DCT: variants seen among roughly 807,000 people sequenced by gnomAD.
The protein encoded by DCT is L-dopachrome tautomerase.
In DCT, 47 loss-of-function variants were observed where a neutral mutation model predicts 53.0. The ratio of observed to expected loss-of-function variants is 0.89; its 90% confidence interval spans 0.70 to 1.13. DCT has a LOEUF of 1.13. DCT is among the 50% of genes most tolerant of loss of function. The pLI, the probability that DCT is intolerant of heterozygous loss-of-function variation, is 0.00. For synonymous variants in DCT, 244 were observed against 237.0 expected, an observed-to-expected ratio of 1.03 and a Z score of -0.27; for missense variants, 669 against 637.4, an observed-to-expected ratio of 1.05 and a Z score of -0.53.
chr13:94,492,122 G>A, the DCT span, among the ~76,000 whole-genome samples: 1 of 152,032 alleles, frequency 6.6e-6, no homozygotes, highest in Admixed American at 6.6e-5. Flanking sequence ...CTCAAGCATC[G>A]CATTTGTAAA....
chr13:94,469,071 A>G (rs781293277), intron 1 of DCT, 26 bp from the exon 2 acceptor site: 21 of 1,588,868 alleles, frequency 1.3e-5, no homozygotes, highest in Non-Finnish European at 1.8e-5. Flanking sequence ...GAAAGATGGA[A>G]AGGAAGGGGG....
At chr13:94,480,878 T>C (rs993800178), upstream of DCT, among the ~76,000 whole-genome samples, 4 of 152,250 alleles carry the variant, frequency 2.6e-5, no homozygotes, top group Admixed American at 6.5e-5. Context: ...TCCTGAGGCT[T>C]CTGTAACAAA....
chr13:94,509,070 T>C, the DCT span, among the ~76,000 whole-genome samples: 4 of 152,162 alleles, frequency 2.6e-5, no homozygotes, highest in Non-Finnish European at 1.5e-5. Flanking sequence ...CTCCATGGTG[T>C]CTTAGCTCTG....
At chr13:94,488,146 G>C in the DCT span, among the ~76,000 whole-genome samples, 1 of 151,948 alleles carries the variant, frequency 6.6e-6, no homozygotes, top group Non-Finnish European at 1.5e-5. Flanking sequence ...TGGTACATGA[G>C]TATTCAATTT....
Position 94,438,561 on chromosome 13 carries a change from C to T in DCT, c.*1337G>A, listed in dbSNP as rs1882056894. ...TTCATTCATTCCAGTAGAGAGGGGCCTCGACAGACAAGCCACGCCCTAGAA... is the reference window on the plus strand; with the variant it reads ...TTCATTCATTCCAGTAGAGAGGGGCTTCGACAGACAAGCCACGCCCTAGAA... On this transcript the variant is annotated 3_prime_UTR_variant, in exon 8 of 8. Transcript: ENST00000377028. 1 of 455,540 alleles carries T rather than the reference C, an allele frequency of 2.2e-6. No individual in the cohort carries two copies. Among genetic ancestry groups the T allele is most frequent in the Non-Finnish European group, 4.4e-6 (1 of 226,664 alleles). 28.2% of individuals were successfully genotyped at this position (455,540 alleles called of 1,614,324 possible).
chr13:94,470,005 G>C (rs760468034), intron 1 of DCT, among the ~76,000 whole-genome samples: 1 of 152,028 alleles, frequency 6.6e-6, no homozygotes, highest in African/African-American at 2.4e-5. Flanking sequence ...AACCCGGGAA[G>C]TAGAGGTTGC....
the DCT span, among the ~76,000 whole-genome samples, chr13:94,504,495 G>A: frequency 6.6e-6 from 1 of 152,180 alleles, no homozygotes; most frequent in Non-Finnish European, 1.5e-5. Context: ...AGCCTCCTGA[G>A]TAGCTGGGAT....
the DCT span, among the ~76,000 whole-genome samples, chr13:94,545,184 T>C: frequency 4.6e-5 from 7 of 152,010 alleles, no homozygotes; most frequent in African/African-American, 1.7e-4. Context: ...ACGCTTCAGA[T>C]GATGATGATA....
At chr13:94,454,053 G>C (rs1242080552) in intron 6 of DCT, among the ~76,000 whole-genome samples, 3 of 152,120 alleles carry the variant, frequency 2.0e-5, no homozygotes, top group African/African-American at 7.2e-5. Context: ...CTTTCTTACA[G>C]GGTTAATTTA....
At chr13:94,440,720 G>A (rs1033392500) in intron 7 of DCT, among the ~76,000 whole-genome samples, 33 of 119,098 alleles carry the variant, frequency 2.8e-4, no homozygotes, top group Middle Eastern at 0.017. Flanking sequence ...TCGCTCTGTC[G>A]CCCAGGCTGG....
chr13:94,455,880 A>AT (rs1232823015), intron 6 of DCT, among the ~76,000 whole-genome samples: 1 of 152,176 alleles, frequency 6.6e-6, no homozygotes, highest in African/African-American at 2.4e-5. Flanking sequence ...GTATTATGAC[A>AT]TTTTTCCTTA....
At chr13:94,488,404 G>A in the DCT span, among the ~76,000 whole-genome samples, 8 of 152,038 alleles carry the variant, frequency 5.3e-5, no homozygotes, top group African/African-American at 1.9e-4. Flanking sequence ...ACTGTTCAGG[G>A]TCTAGAAGGA....
intron 4 of DCT, among the ~76,000 whole-genome samples, chr13:94,463,847 G>T (rs1046247775): frequency 1.3e-5 from 2 of 152,172 alleles, no homozygotes; most frequent in Admixed American, 1.3e-4. Context: ...GCTGAAAAAG[G>T]TCTCCAAGGC....
chr13:94,472,580 T>G (rs1884812551), intron 1 of DCT, among the ~76,000 whole-genome samples: 3 of 74,598 alleles, frequency 4.0e-5, no homozygotes, highest in Non-Finnish European at 8.0e-5. Flanking sequence ...TTTTTTTTTT[T>G]TTTTTTTTTT....
chr13:94,542,636 G>C, the DCT span, among the ~76,000 whole-genome samples: 4 of 152,136 alleles, frequency 2.6e-5, no homozygotes, highest in Non-Finnish European at 5.9e-5. Flanking sequence ...TTTGCCTGGG[G>C]CTCAATCGAA....
rs1296496329 is a variant in DCT, at chr13:94,439,200, A to G, written c.*698T>C. On this transcript the variant is annotated 3_prime_UTR_variant, in exon 8 of 8. Coordinates refer to ENST00000377028, the MANE Select transcript of DCT (RefSeq NM_001922.5). ...ATCCTGTAATATAGGTCTACTGTTT[A>G]AAACTGCAGATTTTAAGTAAAATCC... 6.6e-6 allele frequency: 1 copy of G among 152,472 alleles called. No homozygotes were observed. Among genetic ancestry groups the G allele is most frequent in the Admixed American group, 6.5e-5 (1 of 15,300 alleles). The allele number at this position is 152,472 out of a possible 1,614,324, so 9.4% of individuals were successfully genotyped here.
At chr13:94,542,858 C>T in the DCT span, among the ~76,000 whole-genome samples, 3 of 152,052 alleles carry the variant, frequency 2.0e-5, no homozygotes, top group Admixed American at 6.5e-5. Context: ...CCAAAACACA[C>T]CCATGTTCAC....
intron 5 of DCT, among the ~76,000 whole-genome samples, chr13:94,460,633 GAC>G (rs1188102538): frequency 8.6e-5 from 13 of 151,946 alleles, no homozygotes; most frequent in African/African-American, 2.9e-4. Flanking sequence ...CCTTCAGCTT[GAC>G]TGAAGGTCCA....
At chr13:94,466,145 G>A (rs1884206927) in intron 3 of DCT, among the ~76,000 whole-genome samples, 1 of 150,296 alleles carries the variant, frequency 6.7e-6, no homozygotes, top group Admixed American at 6.6e-5. Context: ...GAAAAACACT[G>A]CACTATCTCA....
Sources: gnomAD v4.1 joint callset for allele counts (sites outside exome capture counted in the v4.1 genomes callset) on GRCh38, gnomAD v4.1.1 for gene constraint, MANE v1.5 for transcripts, NCBI Gene and HGNC (gene_info 2026-07-23, HGNC 2026-07-21) for gene names.